OLFML1: variants seen among roughly 807,000 people sequenced by gnomAD.
The protein encoded by OLFML1 is olfactomedin like 1.
A neutral mutation model predicts 37.3 loss-of-function variants in OLFML1; 33 were observed. The observed-to-expected ratio is 0.88, with a 90% CI of 0.67 to 1.18. The LOEUF is 1.18. OLFML1 is among the 50% of genes most tolerant of loss of function. OLFML1 has a pLI of 0.00. For missense variants in OLFML1, 545 were observed against 483.7 expected, an observed-to-expected ratio of 1.13 and a Z score of -1.19; for synonymous variants, 186 against 181.3, an observed-to-expected ratio of 1.03 and a Z score of -0.21.
At chr11:7,505,145 G>C (rs936943729) in intron 2 of OLFML1, among the ~76,000 whole-genome samples, 2 of 150,488 alleles carry the variant, frequency 1.3e-5, no homozygotes, top group African/African-American at 4.9e-5. Context: ...TGTTGCCCAG[G>C]CTGGTCTTGA....
chr11:7,505,411 A>G (rs755182122), intron 2 of OLFML1, among the ~76,000 whole-genome samples: 7 of 152,204 alleles, frequency 4.6e-5, no homozygotes, highest in Admixed American at 1.3e-4. Flanking sequence ...TACCCATAAT[A>G]GAAACCTCAG....
chr11:7,497,797 T>C (rs1848681176), intron 2 of OLFML1, among the ~76,000 whole-genome samples: 1 of 152,216 alleles, frequency 6.6e-6, no homozygotes. Flanking sequence ...AAGGATTATG[T>C]GTAATTCACT....
At chr11:7,500,563 T>C (rs1402140428) in intron 2 of OLFML1, among the ~76,000 whole-genome samples, 2 of 152,178 alleles carry the variant, frequency 1.3e-5, no homozygotes, top group Non-Finnish European at 2.9e-5. Context: ...AAGTAACTTA[T>C]ACAAGCCTTA....
rs148349929 is a variant in OLFML1, at chr11:7,493,745, C to T, written c.418+5330C>T. ...GAGGATACCTTCAGTCCCATCACTACGGATTCTCACAGAGGGTTAACTGTG... is the reference window on the plus strand; with the variant it reads ...GAGGATACCTTCAGTCCCATCACTATGGATTCTCACAGAGGGTTAACTGTG... On this transcript the variant is annotated intron_variant, in intron 2 of 2. Transcript: ENST00000329293. 5.9e-5 allele frequency among the ~76,000 whole-genome samples: 9 copies of T among 152,354 alleles called. No homozygotes were observed. In the East Asian group the frequency reaches 1.4e-3, roughly 23 times the overall value.
Position 7,485,730 on chromosome 11 carries a change from C to A in OLFML1, c.-146C>A, listed in dbSNP as rs759757681. 5.1e-6 allele frequency: 4 copies of A among 787,200 alleles called. No homozygotes were observed. The highest frequency in any genetic ancestry group is 8.3e-6 in the Non-Finnish European group (4 of 481,248). 48.8% of individuals were successfully genotyped at this position (787,200 alleles called of 1,614,324 possible). ...CTCACGTATCGGGTGGAATAACAAGCGGACTTTGCTCTCTGCTGTGCAAAA... is the reference window on the plus strand; with the variant it reads ...CTCACGTATCGGGTGGAATAACAAGAGGACTTTGCTCTCTGCTGTGCAAAA... On this transcript the variant is annotated 5_prime_UTR_variant, in exon 1 of 3. Coordinates refer to ENST00000329293, the MANE Select transcript of OLFML1 (RefSeq NM_198474.4).
At chr11:7,507,532 C>T (rs761115037) in intron 2 of OLFML1, among the ~76,000 whole-genome samples, 5 of 149,116 alleles carry the variant, frequency 3.4e-5, no homozygotes, top group Admixed American at 6.8e-5. Flanking sequence ...GACCCTTGTG[C>T]GTTGAAAATT....
rs1848836597 is a variant in OLFML1 at position 7,509,834 on chromosome 11, G to C, written c.855G>C (p.Gly285=). The change falls in exon 3 of 3, where the codon GGG becomes GGC. Residue 285 remains glycine (G), a synonymous_variant. Coordinates refer to ENST00000329293, the MANE Select transcript of OLFML1 (RefSeq NM_198474.4). ...DEHGLWAIHS[G]PGTHSHLVLT... is the part of the protein sequence containing the mutation. The stretch of plus-strand genomic sequence containing the variant: ...ATGGGCTCTGGGCCATCCACTCTGG[G>C]CCAGGCACCCATAGCCATTTGGTTC... The C allele has an allele frequency of 6.2e-7, 1 of 1,614,092 alleles. No individual in the cohort carries two copies.
chr11:7,503,374 C>A (rs1848745656), intron 2 of OLFML1, among the ~76,000 whole-genome samples: 1 of 151,946 alleles, frequency 6.6e-6, no homozygotes, highest in Non-Finnish European at 1.5e-5. Flanking sequence ...AGGGGGATAT[C>A]CCAGAATCAA....
rs746163872 is a variant in OLFML1, at chr11:7,509,497, CA to C, written c.521del (p.Lys174ArgfsTer5). Reference sequence around the variant, plus strand: ...ATGAAAGATGCTGTCTATAACTCTCCAAAGGTGTACTTATTAATTGGATCCA... The same window carrying C: ...ATGAAAGATGCTGTCTATAACTCTCCAAGGTGTACTTATTAATTGGATCCA... Reference protein sequence around the residue: ...SWMKDAVYNSPKVYLLIGSRN... With the variant: ...SWMKDAVYNSXKVYLLIGSRN... On this transcript the variant is annotated frameshift_variant, in exon 3 of 3. Coordinates refer to ENST00000329293, the MANE Select transcript of OLFML1 (RefSeq NM_198474.4). LOFTEE classifies it high-confidence loss of function. 3 of 1,613,790 alleles carry C rather than the reference CA, an allele frequency of 1.9e-6. No homozygotes were observed. In the African/African-American group the frequency reaches 4.0e-5, roughly 22 times the overall value.
At position 7,509,990 on chromosome 11, in the gene OLFML1, C is replaced by A; in HGVS notation, c.1011C>A (p.Gly337=). The A allele has an allele frequency of 6.2e-7, 1 of 1,614,232 alleles. No homozygotes were observed. Among genetic ancestry groups the A allele is most frequent in the Non-Finnish European group, 8.5e-7 (1 of 1,180,054 alleles). ...TGGTCTACAGTACTGGGGGCCAGGG[C>A]CCTCATCGCATCACCTGCATCTATG... The part of the protein sequence containing the change: ...LYVVYSTGGQ[G]PHRITCIYDP... Residue 337 remains glycine, a synonymous_variant, in exon 3 of 3, where the codon GGC becomes GGA. Transcript: ENST00000329293.
At position 7,485,687 on chromosome 11, in the gene OLFML1, A is replaced by T; in HGVS notation, c.-189A>T. 3 of 615,842 alleles carry T rather than the reference A, an allele frequency of 4.9e-6. No homozygotes were observed. Among genetic ancestry groups the T allele is most frequent in the Non-Finnish European group, 8.5e-6 (3 of 350,990 alleles). 38.1% of individuals were successfully genotyped at this position (615,842 alleles called of 1,614,324 possible). ...AACTTGCCAACAGCTGGACTTGATC[A>T]CTAGCTGGCAAACTGAGCTCACGTA... On this transcript the variant is annotated 5_prime_UTR_variant, in exon 1 of 3. Coordinates refer to ENST00000329293, the MANE Select transcript of OLFML1 (RefSeq NM_198474.4).
intron 2 of OLFML1, among the ~76,000 whole-genome samples, chr11:7,494,028 A>G (rs1275455510): frequency 6.6e-6 from 1 of 152,190 alleles, no homozygotes; most frequent in Non-Finnish European, 1.5e-5. Context: ...TTAAGTAGAT[A>G]TGGTCAGGGT....
At chr11:7,493,375 T>G (rs1238987038) in intron 2 of OLFML1, among the ~76,000 whole-genome samples, 1 of 152,218 alleles carries the variant, frequency 6.6e-6, no homozygotes, top group Non-Finnish European at 1.5e-5. Context: ...AAAATGTATC[T>G]GTTTGCCAAC....
rs574992586 is a variant in OLFML1 at position 7,488,224 on chromosome 11, C to T, written c.227C>T (p.Thr76Ile). The change falls in exon 2 of 3, where the codon ACC becomes ATC. Residue 76 changes from threonine (T) to isoleucine (I), a missense_variant. Coordinates refer to ENST00000329293, the MANE Select transcript of OLFML1 (RefSeq NM_198474.4). The part of the protein sequence containing the change: ...NISVMLGRCQ[T>I]YTSEYKSAVG... Reference sequence around the variant, plus strand: ...TCTGTCATGCTGGGAAGATGTCAGACCTACACAAGTGAGTACAAGAGTGCA... The same window carrying T: ...TCTGTCATGCTGGGAAGATGTCAGATCTACACAAGTGAGTACAAGAGTGCA... 14 of 1,613,582 alleles carry T rather than the reference C, an allele frequency of 8.7e-6. No individual in the cohort carries two copies. In the East Asian group the frequency reaches 2.9e-4, roughly 33 times the overall value.
At position 7,509,855 on chromosome 11, in the gene OLFML1, G is replaced by A; in HGVS notation, c.876G>A (p.Leu292=). The change falls in exon 3 of 3, where the codon TTG becomes TTA. Residue 292 remains leucine (L), a synonymous_variant. Transcript: ENST00000329293. The part of the protein sequence containing the change: ...IHSGPGTHSH[L]VLTKIEPGTL... ...CTGGGCCAGGCACCCATAGCCATTT[G>A]GTTCTCACAAAGATTGAGCCGGGCA... The A allele has an allele frequency of 6.2e-7, 1 of 1,614,244 alleles. No individual in the cohort carries two copies. The highest frequency in any genetic ancestry group is 8.5e-7 in the Non-Finnish European group (1 of 1,180,046).
Position 7,511,099 on chromosome 11 carries a change from T to C in OLFML1, c.*911T>C, listed in dbSNP as rs988099550. ...TGCCCAAGGAAGCATCAAATACGTA[T>C]GTTTGTTCACCTACTCTTATAGTCA... On this transcript the variant is annotated 3_prime_UTR_variant, in exon 3 of 3. Coordinates refer to ENST00000329293, the MANE Select transcript of OLFML1 (RefSeq NM_198474.4). 1 of 152,242 alleles carries C rather than the reference T, an allele frequency of 6.6e-6. No individual in the cohort carries two copies. The highest frequency in any genetic ancestry group is 1.5e-5 in the Non-Finnish European group (1 of 68,050). 9.4% of individuals were successfully genotyped at this position (152,242 alleles called of 1,614,324 possible).
chr11:7,497,363 CA>C (rs1314627681), intron 2 of OLFML1, among the ~76,000 whole-genome samples: 4 of 152,012 alleles, frequency 2.6e-5, no homozygotes, highest in Admixed American at 1.3e-4. Flanking sequence ...GGAGGCCAAA[CA>C]ATAAATATGT....
intron 2 of OLFML1, among the ~76,000 whole-genome samples, chr11:7,505,316 TCTAA>T (rs1343776772): frequency 1.3e-4 from 20 of 152,048 alleles, no homozygotes; most frequent in African/African-American, 4.6e-4. Context: ...AAAGACTCTA[TCTAA>T]CTATCATTCC....
rs1848840518 is a variant in OLFML1 at position 7,510,034 on chromosome 11, G to T, written c.1055G>T (p.Ser352Ile). 6.2e-7 allele frequency: 1 copy of T among 1,614,266 alleles called. No homozygotes were observed. The highest frequency in any genetic ancestry group is 1.3e-5 in the African/African-American group (1 of 75,076). ...TCIYDPLGTI[S>I]EEDLPNLFFP... ...ATCTATGATCCACTGGGCACTATCA[G>T]TGAGGAGGACTTGCCCAACTTGTTC... is the stretch of plus-strand genomic sequence containing the variant. Residue 352 changes from serine to isoleucine, a missense_variant, in exon 3 of 3, where the codon AGT becomes ATT. By Grantham distance (142) the Ser-to-Ile change is moderately radical (BLOSUM62 -2). Transcript: ENST00000329293.
Sources: allele counts gnomAD v4.1 joint callset (sites outside exome capture counted in the v4.1 genomes callset), GRCh38; gene constraint gnomAD v4.1.1; transcripts MANE v1.5; gene names NCBI Gene and HGNC (gene_info 2026-07-23, HGNC 2026-07-21).